The following MAP3K3 variants were observed in gnomAD, a reference collection of about 807,000 sequenced individuals.
MAP3K3 encodes the protein MAP/ERK kinase kinase 3.
In MAP3K3, 12 loss-of-function variants were observed where a neutral mutation model predicts 80.9. The ratio of observed to expected loss-of-function variants is 0.15; its 90% CI spans 0.10 to 0.24. The LOEUF (loss-of-function observed/expected upper bound fraction) is 0.24, where lower values mean the gene tolerates loss of function less well. Among genes scored for constraint, MAP3K3 ranks in the 10% least tolerant of loss-of-function variants. The pLI, the probability that MAP3K3 is intolerant of heterozygous loss-of-function variation, is 1.00. For missense variants in MAP3K3, 596 were observed against 834.7 expected, an observed-to-expected ratio of 0.71 and a Z score of 3.52; for synonymous variants, 272 against 307.1, an observed-to-expected ratio of 0.89 and a Z score of 1.19.
chr17:63,626,337 A>C (rs540070733), intron 1 of MAP3K3, among the ~76,000 whole-genome samples: 21 of 152,190 alleles, frequency 1.4e-4, no homozygotes, highest in Non-Finnish European at 2.6e-4. Context: ...TAAACAATTA[A>C]GTGCAAAAGT....
chr17:63,665,258 C>T (rs1295913812), intron 5 of MAP3K3, among the ~76,000 whole-genome samples: 5 of 152,012 alleles, frequency 3.3e-5, no homozygotes, highest in Admixed American at 3.3e-4. Context: ...CTCCGCCTCC[C>T]AGGTTCATGC....
intron 3 of MAP3K3, 80 bp from the exon 4 acceptor site, chr17:63,652,477 G>T (rs540429457): frequency 2.2e-6 from 2 of 896,982 alleles, no homozygotes; most frequent in South Asian, 1.4e-5. Context: ...AAGAAAGGAA[G>T]AATATACTCA....
intron 5 of MAP3K3, among the ~76,000 whole-genome samples, chr17:63,660,886 G>T (rs889892021): frequency 1.3e-5 from 2 of 152,084 alleles, no homozygotes; most frequent in African/African-American, 4.8e-5. Context: ...ATGAGCCACT[G>T]CACCCCGCCT....
intron 7 of MAP3K3, among the ~76,000 whole-genome samples, chr17:63,682,910 C>T (rs139566590): frequency 6.6e-6 from 1 of 152,374 alleles, no homozygotes; most frequent in Non-Finnish European, 1.5e-5. Flanking sequence ...AGGGAGCAAT[C>T]ACCTTAGGGT....
chr17:63,662,259 A>AC (rs1415988487), intron 5 of MAP3K3, among the ~76,000 whole-genome samples: 1 of 151,358 alleles, frequency 6.6e-6, no homozygotes, highest in African/African-American at 2.4e-5. Flanking sequence ...AAAAAAAAAA[A>AC]AAACGAAAAT....
rs774148273 is a variant in MAP3K3 at position 63,693,805 on chromosome 17, G to A, written c.*28G>A. 5 of 1,569,422 alleles carry A rather than the reference G, an allele frequency of 3.2e-6. No homozygotes were observed. The highest frequency in any genetic ancestry group is 3.6e-5 in the Admixed American group (2 of 55,608). ...TCTCACGGCCACACAGCTGCCGGTC[G>A]CCCTTTGCTGCATGGCAGGGGGCTG... On this transcript the variant is annotated 3_prime_UTR_variant, in exon 16 of 16. Coordinates refer to ENST00000361733, the MANE Select transcript of MAP3K3 (RefSeq NM_002401.5). This position sits in a 1 kb window ranked among gnomAD's most constrained non-coding sequence, Gnocchi z 4.2.
chr17:63,690,291 G>T lies in MAP3K3; in HGVS notation c.1091G>T (p.Arg364Leu), dbSNP rs764375472. Residue 364 changes from arginine (R) to leucine (L), a missense_variant, in exon 12 of 16, where the codon CGG becomes CTG. Transcript: ENST00000361733. ...CCCAGTGCCCCCATCAACTGGCGCC[G>T]GGGAAAGCTCCTGGGCCAGGGTGCC... ...KSPSAPINWR[R>L]GKLLGQGAFG... 6.2e-7 allele frequency: 1 copy of T among 1,614,024 alleles called. No homozygotes were observed.
chr17:63,622,666 C>G lies in MAP3K3; in HGVS notation c.-94C>G. ...CGCGCCCCCCGCGCGGAGCCAGGCC[C>G]GCTGCCGTCCCCGCCGCCCGGGCCC... On this transcript the variant is annotated 5_prime_UTR_variant, in exon 1 of 16. Transcript: ENST00000361733. The G allele has an allele frequency of 2.7e-6, 1 of 370,512 alleles. No individual in the cohort carries two copies. The highest frequency in any genetic ancestry group is 5.4e-6 in the Non-Finnish European group (1 of 185,834). 23.0% of individuals were successfully genotyped at this position (370,512 alleles called of 1,614,324 possible). A position where few individuals can be genotyped will look rare whatever the true frequency, so the allele number is the denominator to read the frequency against.
chr17:63,654,960 C>T (rs2034734085), intron 4 of MAP3K3, among the ~76,000 whole-genome samples: 3 of 151,806 alleles, frequency 2.0e-5, no homozygotes, highest in South Asian at 2.1e-4. Context: ...TACTTGAACC[C>T]GAGAGGCGGA....
In MAP3K3 at chr17:63,692,432, A is replaced by T; in HGVS notation, c.1652+13A>T. 6.3e-7 allele frequency: 1 copy of T among 1,588,490 alleles called. No homozygotes were observed. The highest frequency in any genetic ancestry group is 8.6e-7 in the Non-Finnish European group (1 of 1,165,710). ...AAGCAGACGTGTGGTGAGCACTGGGACATGCAGAACCCATTCTTCCACCCA... is the reference window on the plus strand; with the variant it reads ...AAGCAGACGTGTGGTGAGCACTGGGTCATGCAGAACCCATTCTTCCACCCA... On this transcript the variant is annotated intron_variant, in intron 15 of 15. Coordinates refer to ENST00000361733, the MANE Select transcript of MAP3K3 (RefSeq NM_002401.5). This position sits in a 1 kb window ranked among gnomAD's most constrained non-coding sequence, Gnocchi z 4.5.
Position 63,679,590 on chromosome 17 carries a change from C to T in MAP3K3, c.503-2176C>T, listed in dbSNP as rs113469281. On this transcript the variant is annotated intron_variant, in intron 6 of 15. Coordinates refer to ENST00000361733, the MANE Select transcript of MAP3K3 (RefSeq NM_002401.5). ...CTCAACCTCCCAGGCTCAAGCAGTCCTCCTGTCTCAGTCTTCCAAGTAGCT... is the reference window on the plus strand; with the variant it reads ...CTCAACCTCCCAGGCTCAAGCAGTCTTCCTGTCTCAGTCTTCCAAGTAGCT... Among the ~76,000 whole-genome samples the T allele has an allele frequency of 9.2e-3, 1,396 of 152,270 alleles. 23 individuals carry two copies. The highest frequency in any genetic ancestry group is 0.031 in the African/African-American group (1,306 of 41,550).
Position 63,689,594 on chromosome 17 carries a change from C to G in MAP3K3, c.922C>G (p.Leu308Val). 1.2e-6 allele frequency: 2 copies of G among 1,613,898 alleles called. No individual in the cohort carries two copies. Among genetic ancestry groups the G allele is most frequent in the Non-Finnish European group, 1.7e-6 (2 of 1,179,892 alleles). The part of the protein sequence containing the change: ...IRRHQGNLFT[L>V]VPSSRSLSTN... Reference sequence around the variant, plus strand: ...GCGTCATCAAGGCAACTTGTTCACCCTGGTGCCCTCCAGCCGCTCCCTGAG... The same window carrying G: ...GCGTCATCAAGGCAACTTGTTCACCGTGGTGCCCTCCAGCCGCTCCCTGAG... Residue 308 changes from leucine to valine, a missense_variant, in exon 11 of 16, where the codon CTG becomes GTG. Physicochemically the swap from Leu to Val is conservative, Grantham distance 32. Coordinates refer to ENST00000361733, the MANE Select transcript of MAP3K3 (RefSeq NM_002401.5). The surrounding 1 kb of genome is among the most constrained non-coding windows in gnomAD (Gnocchi z 4.3).
At chr17:63,657,933 C>A (rs2143392477) in intron 5 of MAP3K3, 26 bp downstream of exon 5, 1 of 1,297,414 alleles carries the variant, frequency 7.7e-7, no homozygotes, top group Non-Finnish European at 1.1e-6. Context: ...CATGGTCTGG[C>A]AGCTGAAGAC....
At chr17:63,626,457 G>A (rs1222491530) in intron 1 of MAP3K3, among the ~76,000 whole-genome samples, 1 of 152,114 alleles carries the variant, frequency 6.6e-6, no homozygotes, top group Non-Finnish European at 1.5e-5. Context: ...AAAATGTAGT[G>A]GTGATATATA....
In MAP3K3 at chr17:63,668,802, C is replaced by T. The variant is rs114148431; in HGVS notation, c.502+1742C>T. ...ACACGGCCTCTTAGCATACCTAGAT[C>T]CTGGCTTCCTTCATTCAGCAAAGCA... On this transcript the variant is annotated intron_variant, in intron 6 of 15. Transcript: ENST00000361733. Among the ~76,000 whole-genome samples the T allele has an allele frequency of 5.7e-3, 869 of 152,320 alleles. 7 individuals are homozygous for T. The highest frequency in any genetic ancestry group is 0.02 in the African/African-American group (844 of 41,554).
chr17:63,673,357 A>G (rs1482148711), intron 6 of MAP3K3, among the ~76,000 whole-genome samples: 1 of 152,052 alleles, frequency 6.6e-6, no homozygotes, highest in Non-Finnish European at 1.5e-5. Flanking sequence ...GGTTTTTTTC[A>G]GGCCATTTAG....
At chr17:63,640,786 T>A (rs1218164297) in intron 2 of MAP3K3, among the ~76,000 whole-genome samples, 2 of 152,188 alleles carry the variant, frequency 1.3e-5, no homozygotes, top group Non-Finnish European at 2.9e-5. Context: ...GGGAGACTCC[T>A]CTGTCCTAGG....
chr17:63,657,697 G>A (rs1177416761), intron 4 of MAP3K3, 97 bp from the exon 5 acceptor site: 2 of 555,078 alleles, frequency 3.6e-6, no homozygotes, highest in African/African-American at 1.9e-5. Flanking sequence ...TCCTCCAAAT[G>A]TATTTTTATT....
At chr17:63,654,067 C>T (rs2034714254) in intron 4 of MAP3K3, among the ~76,000 whole-genome samples, 1 of 152,110 alleles carries the variant, frequency 6.6e-6, no homozygotes, top group Admixed American at 6.6e-5. Flanking sequence ...CAGGGTTTCA[C>T]CATGTTGCCC....
Sources: gnomAD v4.1 joint callset for allele counts (sites outside exome capture counted in the v4.1 genomes callset) on GRCh38, gnomAD v4.1.1 for gene constraint, Gnocchi (gnomAD v3.1) non-coding constraint, MANE v1.5 for transcripts, NCBI Gene and HGNC (gene_info 2026-07-23, HGNC 2026-07-21) for gene names.